Variants in CARD8 observed in about 807,000 individuals in gnomAD.
The protein encoded by CARD8 is caspase recruitment domain family member 8.
A neutral mutation model predicts 53.2 loss-of-function variants in CARD8; 38 were observed. That is an observed-to-expected ratio of 0.71 (90% CI 0.55 to 0.94). The LOEUF is 0.94. Ranked by LOEUF, CARD8 falls within the 40% of genes least tolerant of loss-of-function variation. The probability of loss-of-function intolerance (pLI) is 0.00; values close to 1 mark genes in which losing one functional copy is unlikely to be tolerated. For synonymous variants in CARD8, 245 were observed against 244.9 expected (o/e 1.00, Z 0.00); for missense variants, 561 against 655.5 (o/e 0.86, Z 1.57).
chr19:48,204,483 G>A (rs2015216), downstream of CARD8, among the ~76,000 whole-genome samples: 54,985 of 151,836 alleles, frequency 0.36, 10,103 homozygotes, highest in East Asian at 0.52. Context: ...GGATGCTCAA[G>A]GGGAAGTGGA....
chr19:48,232,016 C>A, intron 7 of CARD8: 1 of 664,788 alleles, frequency 1.5e-6, no homozygotes. Context: ...AACGTATACA[C>A]CAAATTCCAT....
chr19:48,230,920 G>T lies in CARD8; in HGVS notation c.629C>A (p.Ala210Glu). The part of the protein sequence containing the change: ...LVRDEVTVTI[A>E]FGSWSQHLAL... ...CAGGTGCTGACTCCAGGAACCAAAC[G>T]CAATCGTCACTGTGACCTCATCCCT... The change falls in exon 9 of 14, where the codon GCG becomes GAG. Residue 210 changes from alanine (A) to glutamate (E), a missense_variant. Ala to Glu is a moderately radical substitution (Grantham distance 107). Coordinates refer to ENST00000651546, the MANE Select transcript of CARD8 (RefSeq NM_001184900.3). The T allele has an allele frequency of 6.2e-7, 1 of 1,614,138 alleles. No homozygotes were observed. The highest frequency in any genetic ancestry group is 8.5e-7 in the Non-Finnish European group (1 of 1,180,014).
rs1361423052 is a variant in CARD8, at chr19:48,230,616, G to C, written c.857C>G (p.Pro286Arg). 5 of 1,613,988 alleles carry C rather than the reference G, an allele frequency of 3.1e-6. No homozygotes were observed. The highest frequency in any genetic ancestry group is 4.2e-6 in the Non-Finnish European group (5 of 1,180,026). Residue 286 changes from proline to arginine, a missense_variant, in exon 10 of 14, where the codon CCT (proline) becomes CGT (arginine). Coordinates refer to ENST00000651546, the MANE Select transcript of CARD8 (RefSeq NM_001184900.3). ...MVLEHPARVE[P>R]FYAVLESPSF... Reference sequence around the variant, plus strand: ...GGGGCTTTCCAGGACAGCATAGAAAGGCTCCACCCGGGCTGGATGCTCCAG... The same window carrying C: ...GGGGCTTTCCAGGACAGCATAGAAACGCTCCACCCGGGCTGGATGCTCCAG...
intron 3 of CARD8, among the ~76,000 whole-genome samples, chr19:48,247,085 AGGCCAAGCC>A (rs199538826): frequency 0.011 from 1,661 of 152,316 alleles, 35 homozygotes; most frequent in African/African-American, 0.038. Context: ...ACACCTTGAG[AGGCCAAGCC>A]GGGTAGATCA....
intron 12 of CARD8, among the ~76,000 whole-genome samples, chr19:48,218,143 T>G (rs949478700): frequency 6.8e-6 from 1 of 147,962 alleles, no homozygotes; most frequent in Non-Finnish European, 1.5e-5. Flanking sequence ...GATAATACAC[T>G]GACAATAGAT....
chr19:48,215,678 A>G (rs1568653410), intron 12 of CARD8, among the ~76,000 whole-genome samples: 1 of 152,226 alleles, frequency 6.6e-6, no homozygotes, highest in Non-Finnish European at 1.5e-5. Context: ...TACATAAATT[A>G]CAGTCAAAGT....
chr19:48,204,561 T>G (rs570358633), downstream of CARD8, among the ~76,000 whole-genome samples: 3 of 152,114 alleles, frequency 2.0e-5, no homozygotes, highest in Non-Finnish European at 4.4e-5. Flanking sequence ...TAAGCTCTTT[T>G]GCCATTCTGC....
rs1318412264 is a variant in CARD8, at chr19:48,231,677, C to T, written c.525G>A (p.Lys175=). 1.9e-6 allele frequency: 3 copies of T among 1,606,164 alleles called. No individual in the cohort carries two copies. In the South Asian group the frequency reaches 3.3e-5, roughly 18 times the overall value. The change falls in exon 8 of 14, where the codon AAG becomes AAA. Residue 175 remains lysine (K), a synonymous_variant. Coordinates refer to ENST00000651546, the MANE Select transcript of CARD8 (RefSeq NM_001184900.3). ...EGNVDVELID[K]STNRYSVWFP... ...ATTCTTACCTGTATCTGTTTGTGCT[C>T]TTATCAATCAACTCAACATCCACAT...
intron 3 of CARD8, among the ~76,000 whole-genome samples, chr19:48,246,359 C>A (rs567713720): frequency 6.6e-6 from 1 of 152,236 alleles, no homozygotes; most frequent in South Asian, 2.1e-4. Context: ...GAAGTAACCA[C>A]TTCTCCACGG....
downstream of CARD8, chr19:48,203,966 G>T: frequency 3.0e-6 from 1 of 337,546 alleles, no homozygotes; most frequent in Admixed American, 4.0e-5. Flanking sequence ...GAGTGTGAGG[G>T]CCTGCGCAGT....
intron 8 of CARD8, 23 bp from the exon 9 acceptor site, chr19:48,231,029 C>T: frequency 6.3e-7 from 1 of 1,586,980 alleles, no homozygotes; most frequent in Non-Finnish European, 8.6e-7. Context: ...AGAGTGATGT[C>T]ATGACGGGAG....
At chr19:48,226,398 T>C (rs2041800594) in intron 10 of CARD8, among the ~76,000 whole-genome samples, 1 of 152,146 alleles carries the variant, frequency 6.6e-6, no homozygotes, top group African/African-American at 2.4e-5. Context: ...TAATTTTTTG[T>C]ATTTTTAGTA....
At position 48,208,253 on chromosome 19, in the gene CARD8, A is replaced by G. The variant is rs1455206893; in HGVS notation, c.*3457T>C. The G allele has an allele frequency of 1.3e-5, 2 of 152,198 alleles. No homozygotes were observed. Among genetic ancestry groups the G allele is most frequent in the Admixed American group, 6.5e-5 (1 of 15,286 alleles). The allele number at this position is 152,198 out of a possible 1,614,324, so 9.4% of individuals were successfully genotyped here. ...AATCATGAAGAGGATGGAGCTGCAG[A>G]ATCTGAGCATATAAAGACTTTTATG... On this transcript the variant is annotated 3_prime_UTR_variant, in exon 14 of 14. Coordinates refer to ENST00000651546, the MANE Select transcript of CARD8 (RefSeq NM_001184900.3).
Position 48,241,059 on chromosome 19 carries a change from T to G in CARD8, c.-39A>C. 6.7e-7 allele frequency: 1 copy of G among 1,481,808 alleles called. No homozygotes were observed. The highest frequency in any genetic ancestry group is 9.1e-7 in the Non-Finnish European group (1 of 1,098,354). The allele number at this position is 1,481,808 out of a possible 1,614,324, so 91.8% of individuals were successfully genotyped here. A position where few individuals can be genotyped will look rare whatever the true frequency, so the allele number is the denominator to read the frequency against. On this transcript the variant is annotated 5_prime_UTR_variant, in exon 4 of 14. Transcript: ENST00000651546. ...TATTTATGTCTTTACTGTATCTTTT[T>G]TACCCTGAAAAAATAAAAGGAGGTT...
Position 48,211,664 on chromosome 19 carries a change from A to G in CARD8, c.*46T>C, listed in dbSNP as rs550969694. The G allele has an allele frequency of 2.2e-5, 35 of 1,570,166 alleles. No individual in the cohort carries two copies. The highest frequency in any genetic ancestry group is 2.9e-5 in the Non-Finnish European group (33 of 1,150,520). Reference sequence around the variant, plus strand: ...TCACATTTCTGTTTATCCATTTCCAATGAGAACGCTGGATTCTCTCTTCCA... The same window carrying G: ...TCACATTTCTGTTTATCCATTTCCAGTGAGAACGCTGGATTCTCTCTTCCA... On this transcript the variant is annotated 3_prime_UTR_variant, in exon 14 of 14. Coordinates refer to ENST00000651546, the MANE Select transcript of CARD8 (RefSeq NM_001184900.3).
Position 48,230,769 on chromosome 19 carries a change from C to A in CARD8, c.772+8G>T, listed in dbSNP as rs376991226. The A allele has an allele frequency of 9.9e-6, 16 of 1,613,844 alleles. No individual in the cohort carries two copies. The Admixed American group carries it at 2.0e-4, about 20-fold the overall frequency. On this transcript the variant is annotated splice_region_variant and intron_variant, in intron 9 of 13. Coordinates refer to ENST00000651546, the MANE Select transcript of CARD8 (RefSeq NM_001184900.3). ...CGGCCCCCACAGCCTCCGCTCACCC[C>A]ACATTACCTTGGAGGGAGATGAAGT...
intron 5 of CARD8, among the ~76,000 whole-genome samples, chr19:48,236,897 T>G (rs1263740999): frequency 6.6e-6 from 1 of 152,130 alleles, no homozygotes; most frequent in Non-Finnish European, 1.5e-5. Flanking sequence ...GCCTCAAGCC[T>G]CCTGAGTAGC....
chr19:48,234,449 A>G lies in CARD8; in HGVS notation c.304T>C (p.Phe102Leu). The G allele has an allele frequency of 6.2e-7, 1 of 1,613,588 alleles. No homozygotes were observed. Among genetic ancestry groups the G allele is most frequent in the Non-Finnish European group, 8.5e-7 (1 of 1,179,762 alleles). The change falls in exon 6 of 14, where the codon TTC becomes CTC. Residue 102 changes from phenylalanine to leucine, a missense_variant. Physicochemically the swap from Phe to Leu is conservative, Grantham distance 22. Transcript: ENST00000651546. ...DDETEAEPLLFRAVPECQLSG... is the reference protein window; with the variant it reads ...DDETEAEPLLLRAVPECQLSG... ...AGTTGACACTCAGGAACAGCACGGA[A>G]CAATAATGGCTCTGCCTCTGTCTCA... is the stretch of plus-strand genomic sequence containing the variant.
rs12463023 is a variant in CARD8, at chr19:48,238,477, A to G, written c.115T>C (p.Ser39Pro). The G allele has an allele frequency of 8.7e-3, 13,386 of 1,536,284 alleles. 646 individuals carry two copies. The African/African-American group carries it at 0.12, about 14-fold the overall frequency. ...CTATTGTCAACCAACAGTTTCCGTG[A>G]TCCTTGTAGTCTAATGAGTTTGGAT... is the stretch of plus-strand genomic sequence containing the variant. ...DASKLIRLQGSRKLLVDNSIR... is the reference protein window; with the variant it reads ...DASKLIRLQGPRKLLVDNSIR... Residue 39 changes from serine to proline, a missense_variant, in exon 5 of 14, where the codon TCA (serine) becomes CCA (proline). Physicochemically the swap from Ser to Pro is moderately conservative, Grantham distance 74 (BLOSUM62 -1). Transcript: ENST00000651546.
Sources: allele counts gnomAD v4.1 joint callset (sites outside exome capture counted in the v4.1 genomes callset), GRCh38; gene constraint gnomAD v4.1.1; transcripts MANE v1.5; gene names NCBI Gene and HGNC (gene_info 2026-07-23, HGNC 2026-07-21).